TMCC1: variants seen among roughly 807,000 people sequenced by gnomAD.
TMCC1 encodes the protein transmembrane and coiled-coil domains protein 1.
A neutral mutation model predicts 52.4 loss-of-function variants in TMCC1; 15 were observed. The observed-to-expected ratio is 0.29, with a 90% CI of 0.19 to 0.44. TMCC1 has a LOEUF of 0.44. Ranked by LOEUF, TMCC1 falls within the 20% of genes least tolerant of loss-of-function variation. TMCC1 has a pLI of 1.00. For missense variants in TMCC1, 503 were observed against 806.0 expected, an observed-to-expected ratio of 0.62 and a Z score of 4.55; for synonymous variants, 279 against 301.9, an observed-to-expected ratio of 0.92 and a Z score of 0.79.
rs1468857988 is a variant in TMCC1 at position 129,679,525 on chromosome 3, TG to T, written c.577-8262del. ...TTCCCCATATTGGCCAGGATGGTCT[TG>T]AACTCCTGACCTCGTGATCCGCCCA... On this transcript the variant is annotated intron_variant, in intron 4 of 6. Coordinates refer to ENST00000393238, the MANE Select transcript of TMCC1 (RefSeq NM_001017395.5). Among the ~76,000 whole-genome samples the T allele has an allele frequency of 1.2e-4, 19 of 152,066 alleles. 1 individual carries two copies. The highest frequency in any genetic ancestry group is 4.6e-4 in the African/African-American group (19 of 41,380).
At position 129,878,044 on chromosome 3, in the gene TMCC1, T is replaced by C. The variant is rs372722616; in HGVS notation, c.-184+2265A>G. Among the ~76,000 whole-genome samples the C allele has an allele frequency of 6.0e-5, 9 of 150,070 alleles. No individual in the cohort carries two copies. The East Asian group carries it at 1.4e-3, about 23-fold the overall frequency. Reference sequence around the variant, plus strand: ...CGCAATCTCGGCTCACTGCAACCTCTACCTCCCAAGTTCAAGTGATTCTCC... The same window carrying C: ...CGCAATCTCGGCTCACTGCAACCTCCACCTCCCAAGTTCAAGTGATTCTCC... On this transcript the variant is annotated intron_variant, in intron 2 of 6. Transcript: ENST00000393238.
At chr3:129,697,410 G>A (rs1275915358) in intron 4 of TMCC1, among the ~76,000 whole-genome samples, 2 of 152,156 alleles carry the variant, frequency 1.3e-5, no homozygotes, top group East Asian at 1.9e-4. Flanking sequence ...TACACAGCAG[G>A]GGGGTCCTCG....
At chr3:129,870,822 A>G (rs1464698196) in intron 2 of TMCC1, among the ~76,000 whole-genome samples, 1 of 148,408 alleles carries the variant, frequency 6.7e-6, no homozygotes, top group Non-Finnish European at 1.5e-5. Flanking sequence ...GGTCTCATTC[A>G]TCTAGAAAAT....
At chr3:129,715,045 C>CAGA (rs1330937028) in intron 4 of TMCC1, among the ~76,000 whole-genome samples, 151 of 152,264 alleles carry the variant, frequency 9.9e-4, no homozygotes, top group African/African-American at 3.4e-3. Context: ...CAGTAGAGGA[C>CAGA]TCCCTGTATT....
chr3:129,852,792 C>A (rs2059975065), intron 2 of TMCC1, among the ~76,000 whole-genome samples: 1 of 152,164 alleles, frequency 6.6e-6, no homozygotes, highest in Admixed American at 6.5e-5. Context: ...CAAGGCCAAA[C>A]AATGCCTATT....
At chr3:129,866,654 G>A (rs541456391) in intron 2 of TMCC1, among the ~76,000 whole-genome samples, 59 of 152,116 alleles carry the variant, frequency 3.9e-4, no homozygotes, top group African/African-American at 1.4e-3. Flanking sequence ...TGGGATTACA[G>A]GTGTGAGCCA....
rs560462541 is a variant in TMCC1 at position 129,697,881 on chromosome 3, T to A, written c.577-26617A>T. Among the ~76,000 whole-genome samples, 4 of 152,276 alleles carry A rather than the reference T, an allele frequency of 2.6e-5. No individual in the cohort carries two copies. The South Asian group carries it at 6.2e-4, about 24-fold the overall frequency. Reference sequence around the variant, plus strand: ...TTTATTGTCCATATCACTATCAGCATTTTGGTCAAAGCCATTCAACAAGAC... The same window carrying A: ...TTTATTGTCCATATCACTATCAGCAATTTGGTCAAAGCCATTCAACAAGAC... On this transcript the variant is annotated intron_variant, in intron 4 of 6. Coordinates refer to ENST00000393238, the MANE Select transcript of TMCC1 (RefSeq NM_001017395.5).
intron 4 of TMCC1, among the ~76,000 whole-genome samples, chr3:129,716,225 CAA>C (rs60250449): frequency 1.6e-5 from 2 of 125,884 alleles, no homozygotes; most frequent in Non-Finnish European, 3.5e-5. Context: ...TGCAATGGCA[CAA>C]TCTCGGCTAA....
rs1458912152 is a variant in TMCC1 at position 129,648,285 on chromosome 3, A to G, written c.*3196T>C. On this transcript the variant is annotated 3_prime_UTR_variant, in exon 7 of 7. Coordinates refer to ENST00000393238, the MANE Select transcript of TMCC1 (RefSeq NM_001017395.5). ...AAAGGAACATGAAATCAGAAACAAA[A>G]CCAAATGCAGTGAAGACCACATGAA... 6.6e-6 allele frequency: 1 copy of G among 152,216 alleles called. No individual in the cohort carries two copies. The highest frequency in any genetic ancestry group is 1.5e-5 in the Non-Finnish European group (1 of 68,036). 9.4% of individuals were successfully genotyped at this position (152,216 alleles called of 1,614,324 possible).
chr3:129,738,279 A>G (rs990481023), intron 4 of TMCC1, among the ~76,000 whole-genome samples: 1 of 151,372 alleles, frequency 6.6e-6, no homozygotes, highest in African/African-American at 2.4e-5. Context: ...TAAACAAAAA[A>G]AAAAAAAAAA....
intron 4 of TMCC1, among the ~76,000 whole-genome samples, chr3:129,691,751 G>C (rs1159294174): frequency 6.6e-6 from 1 of 152,134 alleles, no homozygotes; most frequent in African/African-American, 2.4e-5. Flanking sequence ...GCCTGGGTTT[G>C]AGTGAGACTC....
At chr3:129,786,788 T>A (rs1576841997) in intron 4 of TMCC1, among the ~76,000 whole-genome samples, 1 of 152,240 alleles carries the variant, frequency 6.6e-6, no homozygotes, top group Non-Finnish European at 1.5e-5. Context: ...CTGTTTTGTA[T>A]GAGGTAAATT....
At chr3:129,871,395 A>G (rs898122409) in intron 2 of TMCC1, among the ~76,000 whole-genome samples, 3 of 150,344 alleles carry the variant, frequency 2.0e-5, no homozygotes, top group Non-Finnish European at 3.0e-5. Flanking sequence ...AAAGAATAGG[A>G]TCTTACATTT....
chr3:129,727,139 T>G (rs1247375546), intron 4 of TMCC1, among the ~76,000 whole-genome samples: 1 of 152,040 alleles, frequency 6.6e-6, no homozygotes, highest in Non-Finnish European at 1.5e-5. Flanking sequence ...AACAAACAAA[T>G]GAACAAAAAA....
intron 4 of TMCC1, among the ~76,000 whole-genome samples, chr3:129,690,343 T>C (rs1017744439): frequency 2.0e-5 from 3 of 152,130 alleles, no homozygotes; most frequent in Non-Finnish European, 4.4e-5. Flanking sequence ...TAAAATCTAG[T>C]AAGTTATTAT....
intron 2 of TMCC1, among the ~76,000 whole-genome samples, chr3:129,848,190 C>T (rs1037720352): frequency 6.6e-6 from 1 of 152,118 alleles, no homozygotes; most frequent in African/African-American, 2.4e-5. Context: ...ATTTTTTCCC[C>T]TTTATACTTC....
At chr3:129,753,155 T>C (rs1193622407) in intron 4 of TMCC1, among the ~76,000 whole-genome samples, 1 of 152,184 alleles carries the variant, frequency 6.6e-6, no homozygotes, top group Non-Finnish European at 1.5e-5. Flanking sequence ...AACACACATA[T>C]AAAATAAGTA....
intron 4 of TMCC1, among the ~76,000 whole-genome samples, chr3:129,826,542 T>C (rs781582936): frequency 7.2e-5 from 11 of 151,984 alleles, no homozygotes; most frequent in Non-Finnish European, 1.5e-4. Context: ...CATAAATATG[T>C]GGTACTTTTC....
In TMCC1 at chr3:129,725,881, A is replaced by T. The variant is rs567756060; in HGVS notation, c.577-54617T>A. Among the ~76,000 whole-genome samples the T allele has an allele frequency of 2.0e-5, 3 of 152,360 alleles. No homozygotes were observed. The East Asian group carries it at 5.8e-4, about 29-fold the overall frequency. On this transcript the variant is annotated intron_variant, in intron 4 of 6. Coordinates refer to ENST00000393238, the MANE Select transcript of TMCC1 (RefSeq NM_001017395.5). Reference sequence around the variant, plus strand: ...AGAAAAGTCTGGGAAAGCAGTAAACAGTCCTTTGGAGTATGGGTTTTAGTC... The same window carrying T: ...AGAAAAGTCTGGGAAAGCAGTAAACTGTCCTTTGGAGTATGGGTTTTAGTC...
Sources: allele counts gnomAD v4.1 joint callset (sites outside exome capture counted in the v4.1 genomes callset), GRCh38; gene constraint gnomAD v4.1.1; transcripts MANE v1.5; gene names NCBI Gene and HGNC (gene_info 2026-07-23, HGNC 2026-07-21).